PTBP3: variants seen among roughly 807,000 people sequenced by gnomAD.
PTBP3 encodes polypyrimidine tract binding protein 3, also known as polypyrimidine tract-binding protein 3.
Under a neutral mutation model 58.7 loss-of-function variants are expected in PTBP3, and 20 were observed. The observed-to-expected ratio is 0.34, with a 90% CI of 0.24 to 0.50. PTBP3 has a LOEUF of 0.50. Among genes scored for constraint, PTBP3 ranks in the 20% least tolerant of loss-of-function variants. The pLI is 0.98. For synonymous variants in PTBP3, 185 were observed against 219.8 expected, an observed-to-expected ratio of 0.84 and a Z score of 1.40; for missense variants, 509 against 637.2, an observed-to-expected ratio of 0.80 and a Z score of 2.17.
intron 1 of PTBP3, among the ~76,000 whole-genome samples, chr9:112,321,593 C>A (rs1829955205): frequency 6.6e-6 from 1 of 151,542 alleles, no homozygotes; most frequent in African/African-American, 2.4e-5. Context: ...TATTCTTGGA[C>A]CAATCAGGGA....
chr9:112,233,219 T>C (rs1835310685), intron 8 of PTBP3, among the ~76,000 whole-genome samples: 1 of 151,802 alleles, frequency 6.6e-6, no homozygotes, highest in African/African-American at 2.4e-5. Context: ...TAACTTTTGC[T>C]GTTTGTATGT....
chr9:112,275,697 C>CG (rs1439942969), intron 3 of PTBP3, 147 bp downstream of exon 3: 5 of 612,668 alleles, frequency 8.2e-6, no homozygotes, highest in African/African-American at 6.0e-5. Context: ...TCCTGTTACA[C>CG]CCCCCCAAAA....
chr9:112,290,586 C>T (rs1328887670), intron 2 of PTBP3, among the ~76,000 whole-genome samples: 5 of 150,844 alleles, frequency 3.3e-5, no homozygotes, highest in Admixed American at 6.6e-5. Context: ...GCACATGAAT[C>T]GCTTGAACCC....
At chr9:112,250,063 A>AT (rs1267104389) in intron 7 of PTBP3, among the ~76,000 whole-genome samples, 3 of 152,024 alleles carry the variant, frequency 2.0e-5, no homozygotes, top group African/African-American at 4.8e-5. Context: ...ATAATGAACT[A>AT]TTTTTCAGAA....
chr9:112,232,050 C>T (rs760894550), intron 9 of PTBP3, 49 bp downstream of exon 9: 1 of 1,093,478 alleles, frequency 9.1e-7, no homozygotes, highest in East Asian at 2.7e-5. Context: ...AAAAGTGCTA[C>T]TATACCTTCT....
At chr9:112,367,689 A>T in the PTBP3 span, among the ~76,000 whole-genome samples, 1 of 152,096 alleles carries the variant, frequency 6.6e-6, no homozygotes. Flanking sequence ...CTTGTATGTA[A>T]TGAGTTCCTT....
chr9:112,300,002 A>G (rs140524920), intron 1 of PTBP3, among the ~76,000 whole-genome samples: 15 of 152,350 alleles, frequency 9.8e-5, no homozygotes, highest in African/African-American at 3.6e-4. Context: ...CAATCAAACT[A>G]AAGATATTTG....
At chr9:112,375,567 A>G in the PTBP3 span, among the ~76,000 whole-genome samples, 1 of 152,210 alleles carries the variant, frequency 6.6e-6, no homozygotes, top group Non-Finnish European at 1.5e-5. Context: ...GATCATGATC[A>G]TAGGGAACTC....
intron 2 of PTBP3, among the ~76,000 whole-genome samples, chr9:112,291,969 T>TA (rs11369259): frequency 0.85 from 129,184 of 152,146 alleles, 55,263 homozygotes; most frequent in African/African-American, 0.95. Context: ...ACATACGTGA[T>TA]GGGGGTTAAT....
chr9:112,371,941 T>C, the PTBP3 span, among the ~76,000 whole-genome samples: 1 of 152,116 alleles, frequency 6.6e-6, no homozygotes, highest in Admixed American at 6.6e-5. Flanking sequence ...GATGGAGTCA[T>C]GTTCTGTTGC....
intron 2 of PTBP3, among the ~76,000 whole-genome samples, chr9:112,289,333 T>C (rs1828276438): frequency 1.3e-5 from 2 of 152,200 alleles, no homozygotes; most frequent in Non-Finnish European, 2.9e-5. Context: ...ACATTGCTTA[T>C]ATCATCTTTG....
At chr9:112,317,182 T>C (rs1253364462) in intron 1 of PTBP3, among the ~76,000 whole-genome samples, 2 of 151,072 alleles carry the variant, frequency 1.3e-5, no homozygotes, top group African/African-American at 2.4e-5. Context: ...GAGGCAGAGG[T>C]TGCAGTGAGC....
chr9:112,229,945 A>T (rs1835137935), intron 10 of PTBP3, among the ~76,000 whole-genome samples: 1 of 152,194 alleles, frequency 6.6e-6, no homozygotes, highest in Admixed American at 6.5e-5. Context: ...ATGTATTATT[A>T]ATACTTGATT....
chr9:112,246,849 A>C (rs1835899554), intron 7 of PTBP3, among the ~76,000 whole-genome samples: 1 of 152,214 alleles, frequency 6.6e-6, no homozygotes, highest in African/African-American at 2.4e-5. Flanking sequence ...AGCTAACACC[A>C]CAAGAAAAAG....
At chr9:112,298,745 A>C (rs1357372036) in intron 1 of PTBP3, among the ~76,000 whole-genome samples, 1 of 152,212 alleles carries the variant, frequency 6.6e-6, no homozygotes, top group Non-Finnish European at 1.5e-5. Context: ...TTAATGTTTA[A>C]GTGTAGGTGC....
the PTBP3 span, among the ~76,000 whole-genome samples, chr9:112,378,891 A>C: frequency 9.7e-4 from 147 of 152,318 alleles, no homozygotes; most frequent in African/African-American, 3.3e-3. Flanking sequence ...AGGGCCCATA[A>C]CAAAGGGGAG....
Position 112,218,486 on chromosome 9 carries a change from C to T in PTBP3, c.*5365G>A, listed in dbSNP as rs966071111. On this transcript the variant is annotated 3_prime_UTR_variant, in exon 14 of 14. Coordinates refer to ENST00000374257, the MANE Select transcript of PTBP3 (RefSeq NM_001163788.4). ...ATTTATTAAAAGGCATGCTACAATG[C>T]TATATTTGTTAGGAAAAGAGATTAG... is the stretch of plus-strand genomic sequence containing the variant. 4 of 152,572 alleles carry T rather than the reference C, an allele frequency of 2.6e-5. No homozygotes were observed. Among genetic ancestry groups the T allele is most frequent in the African/African-American group, 7.2e-5 (3 of 41,492 alleles). 9.5% of individuals were successfully genotyped at this position (152,572 alleles called of 1,614,324 possible). A position where few individuals can be genotyped will look rare whatever the true frequency, so the allele number is the denominator to read the frequency against.
intron 1 of PTBP3, among the ~76,000 whole-genome samples, chr9:112,325,967 T>C (rs1240652849): frequency 6.6e-6 from 1 of 152,088 alleles, no homozygotes; most frequent in Non-Finnish European, 1.5e-5. Context: ...GAGGTAAGCC[T>C]TGATCACACC....
intron 5 of PTBP3, among the ~76,000 whole-genome samples, chr9:112,257,820 A>C (rs538749772): frequency 1.3e-5 from 2 of 152,068 alleles, no homozygotes; most frequent in Admixed American, 6.5e-5. Context: ...GGCGCCTGTA[A>C]TCCCAGCTAC....
Sources: allele counts gnomAD v4.1 joint callset (sites outside exome capture counted in the v4.1 genomes callset), GRCh38; gene constraint gnomAD v4.1.1; transcripts MANE v1.5; gene names NCBI Gene and HGNC (gene_info 2026-07-23, HGNC 2026-07-21).